Variants in AP1AR observed in about 807,000 individuals in gnomAD.
AP1AR encodes AP-1 complex-associated regulatory protein.
AP1AR carries 29 observed loss-of-function variants against 46.3 expected under a neutral mutation model. The observed-to-expected ratio is 0.63, with a 90% CI of 0.47 to 0.85. The LOEUF (loss-of-function observed/expected upper bound fraction) is 0.85. Among genes scored for constraint, AP1AR ranks in the 40% least tolerant of loss-of-function variants. The pLI is 0.00. For synonymous variants in AP1AR, 122 were observed against 122.9 expected (o/e 0.99, Z 0.05); for missense variants, 357 against 356.3 (o/e 1.00, Z -0.02).
chr4:112,263,041 A>T lies in AP1AR; in HGVS notation c.336A>T (p.Ala112=). ...LRLEEEALYA[A]QREAARAAKQ... Reference sequence around the variant, plus strand: ...TAGAAGAAGAAGCTTTATACGCTGCACAGCGTGAAGCAGCCAGGGCAGCAA... The same window carrying T: ...TAGAAGAAGAAGCTTTATACGCTGCTCAGCGTGAAGCAGCCAGGGCAGCAA... The change falls in exon 6 of 10, where the codon GCA becomes GCT. Residue 112 remains alanine, a synonymous_variant. Transcript: ENST00000274000. The T allele has an allele frequency of 6.2e-7, 1 of 1,613,978 alleles. No homozygotes were observed. Among genetic ancestry groups the T allele is most frequent in the Non-Finnish European group, 8.5e-7 (1 of 1,179,882 alleles).
chr4:112,272,253 C>G lies in AP1AR; in HGVS notation c.*3844C>G, dbSNP rs558896536. Among the ~76,000 whole-genome samples, 1 of 152,190 alleles carries G rather than the reference C, an allele frequency of 6.6e-6. No individual in the cohort carries two copies. Among genetic ancestry groups the G allele is most frequent in the South Asian group, 2.1e-4 (1 of 4,820 alleles). ...ATAGGCAGATATGAACAGGGCAGGA[C>G]AGCGCCACAAAGACTGTGAGGGCTG... On this transcript the variant is annotated 3_prime_UTR_variant, in exon 10 of 10. Coordinates refer to ENST00000274000, the MANE Select transcript of AP1AR (RefSeq NM_018569.6).
intron 5 of AP1AR, among the ~76,000 whole-genome samples, chr4:112,262,422 A>G (rs945858325): frequency 2.6e-5 from 4 of 152,264 alleles, no homozygotes; most frequent in African/African-American, 9.6e-5. Flanking sequence ...TTGATTTTCA[A>G]GTTAACTTTA....
chr4:112,241,213 T>C (rs1412454568), intron 1 of AP1AR, among the ~76,000 whole-genome samples: 1 of 152,228 alleles, frequency 6.6e-6, no homozygotes, highest in East Asian at 1.9e-4. Context: ...AAGAAGCTTA[T>C]TAAACAGTAA....
chr4:112,254,466 T>G (rs1726095404), intron 2 of AP1AR, among the ~76,000 whole-genome samples: 1 of 152,202 alleles, frequency 6.6e-6, no homozygotes, highest in Admixed American at 6.5e-5. Flanking sequence ...TCAATTCAGA[T>G]GAAAGTTTTA....
chr4:112,232,070 G>T lies in AP1AR; in HGVS notation c.-22G>T. 7.4e-7 allele frequency: 1 copy of T among 1,352,210 alleles called. No homozygotes were observed. Among genetic ancestry groups the T allele is most frequent in the Non-Finnish European group, 9.6e-7 (1 of 1,043,862 alleles). 83.8% of individuals were successfully genotyped at this position (1,352,210 alleles called of 1,614,324 possible). ...ATTGAGCGGGAGGAGGAGGAGGAGC[G>T]GCGGCGCCTGGGCGGCATGCGATGG... On this transcript the variant is annotated 5_prime_UTR_variant, in exon 1 of 10. Coordinates refer to ENST00000274000, the MANE Select transcript of AP1AR (RefSeq NM_018569.6).
chr4:112,257,689 G>C (rs1726254108), intron 3 of AP1AR, 83 bp from the exon 4 acceptor site: 1 of 1,084,772 alleles, frequency 9.2e-7, no homozygotes, highest in South Asian at 1.6e-5. Context: ...AAAGTATTTA[G>C]ATTAAATAAA....
intron 1 of AP1AR, among the ~76,000 whole-genome samples, chr4:112,246,363 G>C (rs987789352): frequency 1.3e-5 from 2 of 152,138 alleles, no homozygotes; most frequent in African/African-American, 4.8e-5. Context: ...AAAATCAGCT[G>C]GGCATGGTGG....
At position 112,269,600 on chromosome 4, in the gene AP1AR, G is replaced by C. The variant is rs957542771; in HGVS notation, c.*1191G>C. 1.3e-5 allele frequency: 2 copies of C among 151,144 alleles called. No individual in the cohort carries two copies. The highest frequency in any genetic ancestry group is 3.0e-5 in the Non-Finnish European group (2 of 67,630). 9.4% of individuals were successfully genotyped at this position (151,144 alleles called of 1,614,324 possible). A position where few individuals can be genotyped will look rare whatever the true frequency, so the allele number is the denominator to read the frequency against. ...TTTTTTTTCCTCTTGCAACAATGAC[G>C]GTGCATGTTCTTATAAATATAGGAA... On this transcript the variant is annotated 3_prime_UTR_variant, in exon 10 of 10. Coordinates refer to ENST00000274000, the MANE Select transcript of AP1AR (RefSeq NM_018569.6).
Position 112,232,093 on chromosome 4 carries a change from T to TG in AP1AR, c.6dup (p.Asn3_?2), listed in dbSNP as rs1268210190. On this transcript the variant is annotated frameshift_variant and start_lost, in exon 1 of 10. Coordinates refer to ENST00000274000, the MANE Select transcript of AP1AR (RefSeq NM_018569.6). LOFTEE classifies it high-confidence loss of function. ...GCGGCGGCGCCTGGGCGGCATGCGA[T>TG]GGGGAACTGCTGCTGGACGCAGTGC... 3.7e-6 allele frequency: 5 copies of TG among 1,345,654 alleles called. No homozygotes were observed. Among genetic ancestry groups the TG allele is most frequent in the Non-Finnish European group, 4.8e-6 (5 of 1,040,542 alleles). 83.4% of individuals were successfully genotyped at this position (1,345,654 alleles called of 1,614,324 possible).
Position 112,232,026 on chromosome 4 carries a change from G to C in AP1AR, c.-66G>C. On this transcript the variant is annotated 5_prime_UTR_variant, in exon 1 of 10. Coordinates refer to ENST00000274000, the MANE Select transcript of AP1AR (RefSeq NM_018569.6). ...CGGCTCGTGCCGTGCGGATGCAGCT[G>C]CCGGGCCTGGGTTTGGGCATTGAGC... 1 of 1,298,560 alleles carries C rather than the reference G, an allele frequency of 7.7e-7. No individual in the cohort carries two copies. The highest frequency in any genetic ancestry group is 9.9e-7 in the Non-Finnish European group (1 of 1,011,160). The allele number at this position is 1,298,560 out of a possible 1,614,324, so 80.4% of individuals were successfully genotyped here. A position where few individuals can be genotyped will look rare whatever the true frequency, so the allele number is the denominator to read the frequency against.
rs1727001922 is a variant in AP1AR at position 112,272,635 on chromosome 4, A to G, written c.*4226A>G. Among the ~76,000 whole-genome samples the G allele has an allele frequency of 6.6e-6, 1 of 152,198 alleles. No individual in the cohort carries two copies. Among genetic ancestry groups the G allele is most frequent in the African/African-American group, 2.4e-5 (1 of 41,448 alleles). On this transcript the variant is annotated 3_prime_UTR_variant, in exon 10 of 10. Transcript: ENST00000274000. The stretch of plus-strand genomic sequence containing the variant: ...AAGACAAAGGTCAAGCTGGGTACTC[A>G]ATCTTTTGACGTCCCCCTTCGTTCC...
rs1236468369 is a variant in AP1AR, at chr4:112,272,039, G to A, written c.*3630G>A. Among the ~76,000 whole-genome samples the A allele has an allele frequency of 6.6e-6, 1 of 152,130 alleles. No homozygotes were observed. Among genetic ancestry groups the A allele is most frequent in the Non-Finnish European group, 1.5e-5 (1 of 68,022 alleles). On this transcript the variant is annotated 3_prime_UTR_variant, in exon 10 of 10. Coordinates refer to ENST00000274000, the MANE Select transcript of AP1AR (RefSeq NM_018569.6). ...AACAATAGCAAATGCTTTGAAAAGA[G>A]GTCCGCTGCTTTAGTTGCATTTGGA...
intron 6 of AP1AR, among the ~76,000 whole-genome samples, chr4:112,263,364 A>C (rs537721450): frequency 2.6e-5 from 4 of 152,270 alleles, no homozygotes; most frequent in African/African-American, 9.6e-5. Context: ...AGTGCTATAA[A>C]ATTCAGTATT....
At chr4:112,253,321 G>T in intron 2 of AP1AR, 65 bp downstream of exon 2, 2 of 1,244,538 alleles carry the variant, frequency 1.6e-6, no homozygotes, top group Admixed American at 1.9e-5. Flanking sequence ...GCTTTTTGTT[G>T]TAAAGAGGGA....
chr4:112,231,855 C>G lies in AP1AR; in HGVS notation c.-237C>G. On this transcript the variant is annotated 5_prime_UTR_variant, in exon 1 of 10. Transcript: ENST00000274000. ...CGGCGAGGGAGTCCAGAGCCTTGAG[C>G]CCGGTGCTCCTCCCTCGCGCAGCGG... The G allele has an allele frequency of 2.6e-6, 1 of 387,798 alleles. No homozygotes were observed. The highest frequency in any genetic ancestry group is 4.6e-6 in the Non-Finnish European group (1 of 218,950). 24.0% of individuals were successfully genotyped at this position (387,798 alleles called of 1,614,324 possible). A position where few individuals can be genotyped will look rare whatever the true frequency, so the allele number is the denominator to read the frequency against.
Position 112,232,057 on chromosome 4 carries a change from G to A in AP1AR, c.-35G>A, listed in dbSNP as rs758966526. The A allele has an allele frequency of 1.3e-5, 17 of 1,352,354 alleles. No individual in the cohort carries two copies. Among genetic ancestry groups the A allele is most frequent in the South Asian group, 1.9e-5 (1 of 53,294 alleles). The allele number at this position is 1,352,354 out of a possible 1,614,324, so 83.8% of individuals were successfully genotyped here. A position where few individuals can be genotyped will look rare whatever the true frequency, so the allele number is the denominator to read the frequency against. ...CCTGGGTTTGGGCATTGAGCGGGAG[G>A]AGGAGGAGGAGCGGCGGCGCCTGGG... is the stretch of plus-strand genomic sequence containing the variant. On this transcript the variant is annotated 5_prime_UTR_variant, in exon 1 of 10. Coordinates refer to ENST00000274000, the MANE Select transcript of AP1AR (RefSeq NM_018569.6).
chr4:112,266,820 T>C (rs1307560135), intron 9 of AP1AR, 104 bp downstream of exon 9: 3 of 1,130,048 alleles, frequency 2.7e-6, no homozygotes, highest in Non-Finnish European at 3.6e-6. Flanking sequence ...ATTCAAGGCC[T>C]TGAAAAATCA....
intron 1 of AP1AR, among the ~76,000 whole-genome samples, chr4:112,235,311 T>C (rs1472708886): frequency 6.6e-6 from 1 of 152,236 alleles, no homozygotes; most frequent in Non-Finnish European, 1.5e-5. Context: ...TTGTATTTAA[T>C]TCCTATTTCT....
Position 112,272,289 on chromosome 4 carries a change from A to G in AP1AR, c.*3880A>G, listed in dbSNP as rs28720883. Among the ~76,000 whole-genome samples the G allele has an allele frequency of 0.62, 94,386 of 152,034 alleles. 31,047 individuals carry two copies. The highest frequency in any genetic ancestry group is 0.84 in the African/African-American group (34,727 of 41,466). On this transcript the variant is annotated 3_prime_UTR_variant, in exon 10 of 10. Coordinates refer to ENST00000274000, the MANE Select transcript of AP1AR (RefSeq NM_018569.6). Reference sequence around the variant, plus strand: ...AGACTGTGAGGGCTGGTGACAGGGAAGGGAAAATCTAACAGGAGACATCTT... The same window carrying G: ...AGACTGTGAGGGCTGGTGACAGGGAGGGGAAAATCTAACAGGAGACATCTT...
Sources: allele counts gnomAD v4.1 joint callset (sites outside exome capture counted in the v4.1 genomes callset), GRCh38; gene constraint gnomAD v4.1.1; transcripts MANE v1.5; gene names NCBI Gene and HGNC (gene_info 2026-07-23, HGNC 2026-07-21).